LSM2: variants seen among roughly 807,000 people sequenced by gnomAD.
The protein encoded by LSM2 is U6 snRNA-associated Sm-like protein LSm2.
LSM2 carries 12 observed loss-of-function variants against 17.0 expected under a neutral mutation model. The ratio of observed to expected loss-of-function variants is 0.70; its 90% CI spans 0.45 to 1.14. LSM2 has a LOEUF of 1.14. Ranked by LOEUF, LSM2 falls within the 50% of genes most tolerant of loss-of-function variation. The pLI, the probability that LSM2 is intolerant of heterozygous loss-of-function variation, is 0.00. For missense variants in LSM2, 62 were observed against 111.8 expected, an observed-to-expected ratio of 0.55 and a Z score of 2.01; for synonymous variants, 42 against 44.5, an observed-to-expected ratio of 0.94 and a Z score of 0.22.
intron 2 of LSM2, among the ~76,000 whole-genome samples, chr6:31,800,017 C>T (rs566690521): frequency 6.6e-6 from 1 of 152,276 alleles, no homozygotes; most frequent in East Asian, 1.9e-4. Context: ...ATAGCAAGAC[C>T]TCATCTCTAT....
intron 3 of LSM2, 39 bp downstream of exon 3, chr6:31,798,435 CCTT>C (rs1331789540): frequency 3.1e-6 from 5 of 1,611,618 alleles, no homozygotes; most frequent in African/African-American, 2.7e-5. Context: ...TCTCCCCTCT[CCTT>C]CTCCAGGAAC....
In LSM2 at chr6:31,806,822, G is replaced by C; in HGVS notation, c.-65C>G. 6.5e-7 allele frequency: 1 copy of C among 1,545,652 alleles called. No homozygotes were observed. On this transcript the variant is annotated 5_prime_UTR_variant, in exon 1 of 5. Transcript: ENST00000375661. ...AGCAGGGTGCTGCGAGCAGGTCTGG[G>C]GAAACCGAAGCGCGAGCCCGCGCGT...
At chr6:31,804,763 CTTTTTTT>C (rs9279424) in intron 2 of LSM2, among the ~76,000 whole-genome samples, 2,796 of 104,854 alleles carry the variant, frequency 0.027, 49 homozygotes, top group South Asian at 0.14. Flanking sequence ...TCTTTTTTTT[CTTTTTTT>C]TTTTTTTTTT....
intron 4 of LSM2, 33 bp downstream of exon 4, chr6:31,797,957 G>T (rs747262330): frequency 1.9e-6 from 3 of 1,610,426 alleles, no homozygotes; most frequent in African/African-American, 2.7e-5. Flanking sequence ...CTGCTTTAGA[G>T]GTGTTTCCTC....
At chr6:31,806,340 C>T in intron 1 of LSM2, 198 bp from the exon 2 acceptor site, 1 of 614,136 alleles carries the variant, frequency 1.6e-6, no homozygotes, top group South Asian at 2.0e-5. Context: ...GCACTGAGCC[C>T]ATCACTTAAA....
chr6:31,799,449 C>T (rs986695997), intron 2 of LSM2, among the ~76,000 whole-genome samples: 1 of 152,130 alleles, frequency 6.6e-6, no homozygotes, highest in South Asian at 2.1e-4. Context: ...CTCCATCTCC[C>T]AGGTTCACGC....
At position 31,806,117 on chromosome 6, in the gene LSM2, AG is replaced by A. The variant is rs1209207942; in HGVS notation, c.28del (p.Val11TrpfsTer9). The A allele has an allele frequency of 1.2e-6, 2 of 1,612,928 alleles. No individual in the cohort carries two copies. The highest frequency in any genetic ancestry group is 2.2e-5 in the South Asian group (2 of 91,078). On this transcript the variant is annotated frameshift_variant, in exon 2 of 5. Transcript: ENST00000375661. LOFTEE classifies it high-confidence loss of function. ...TTCCACGACCACATCCTTGCCCACA[AG>A]GGACTTGAAAAAAGAATAGAAGAGC... MLFYSFFKS[L>X]VGKDVVVELK... is the part of the protein sequence containing the mutation.
At chr6:31,802,036 C>T (rs963738121) in intron 2 of LSM2, among the ~76,000 whole-genome samples, 4 of 151,928 alleles carry the variant, frequency 2.6e-5, no homozygotes, top group Non-Finnish European at 5.9e-5. Context: ...AATCCCAGCA[C>T]TTTGGGAGGC....
intron 3 of LSM2, 29 bp from the exon 4 acceptor site, chr6:31,798,078 A>ATT: frequency 1.3e-6 from 2 of 1,497,522 alleles, no homozygotes; most frequent in Middle Eastern, 2.0e-4. Context: ...CACCATTATT[A>ATT]TTATTATTTT....
At position 31,797,732 on chromosome 6, in the gene LSM2, G is replaced by A; in HGVS notation, c.*25C>T. On this transcript the variant is annotated 3_prime_UTR_variant, in exon 5 of 5. Coordinates refer to ENST00000375661, the MANE Select transcript of LSM2 (RefSeq NM_021177.5). ...GGGGTTATGGGTCACCAATGAAAGA[G>A]GGAGGGGAAGAGGAGGAGGAGCCAT... 6.2e-7 allele frequency: 1 copy of A among 1,612,088 alleles called. No individual in the cohort carries two copies. Among genetic ancestry groups the A allele is most frequent in the African/African-American group, 1.3e-5 (1 of 75,022 alleles).
Position 31,797,884 on chromosome 6 carries a change from T to A in LSM2, c.163-2A>T. 6.2e-7 allele frequency: 1 copy of A among 1,612,998 alleles called. No homozygotes were observed. The highest frequency in any genetic ancestry group is 8.5e-7 in the Non-Finnish European group (1 of 1,180,028). ...AATGAAGCAGTTCTTCACTGATAAC[T>A]AGACAAAGATGGACAAATATGAAAA... On this transcript the variant is annotated splice_acceptor_variant, in intron 4 of 4. Transcript: ENST00000375661. LOFTEE classifies it high-confidence loss of function.
intron 2 of LSM2, 137 bp from the exon 3 acceptor site, chr6:31,798,644 G>T (rs994443103): frequency 2.8e-5 from 25 of 886,136 alleles, no homozygotes; most frequent in Non-Finnish European, 4.2e-5. Context: ...GAACCAAAAG[G>T]GGGCATTCCT....
rs200102484 is a variant in LSM2, at chr6:31,806,782, C to T, written c.-25G>A. The stretch of plus-strand genomic sequence containing the variant: ...TGGTGCTGGCGCCGCGGGCAGCGGG[C>T]CGGACCGGGAAGACAGCAGGGTGCT... On this transcript the variant is annotated 5_prime_UTR_variant, in exon 1 of 5. Transcript: ENST00000375661. 1.0e-5 allele frequency: 16 copies of T among 1,608,026 alleles called. No individual in the cohort carries two copies. The highest frequency in any genetic ancestry group is 4.0e-5 in the African/African-American group (3 of 74,932).
At chr6:31,805,995 T>C in intron 2 of LSM2, 80 bp downstream of exon 2, 1 of 1,305,754 alleles carries the variant, frequency 7.7e-7, no homozygotes, top group Non-Finnish European at 1.1e-6. Context: ...CGCCTAGCCC[T>C]GAAATATTTC....
chr6:31,798,600 A>G (rs1814524950), intron 2 of LSM2, 93 bp from the exon 3 acceptor site: 10 of 1,436,456 alleles, frequency 7.0e-6, no homozygotes, highest in Admixed American at 1.9e-5. Context: ...CATGACTGGG[A>G]GAAGTCAAGG....
At chr6:31,804,475 G>A (rs780704812) in intron 2 of LSM2, among the ~76,000 whole-genome samples, 4 of 152,046 alleles carry the variant, frequency 2.6e-5, no homozygotes, top group Non-Finnish European at 5.9e-5. Flanking sequence ...CAGTTTCCTC[G>A]TGTAAAACAG....
intron 2 of LSM2, among the ~76,000 whole-genome samples, chr6:31,803,197 G>A (rs1814818701): frequency 6.6e-6 from 1 of 152,146 alleles, no homozygotes; most frequent in Non-Finnish European, 1.5e-5. Context: ...TCCCTGCCCT[G>A]TCAACGTGTA....
At chr6:31,806,217 C>G (rs1815026821) in intron 1 of LSM2, 75 bp from the exon 2 acceptor site, 1 of 1,311,232 alleles carries the variant, frequency 7.6e-7, no homozygotes, top group Non-Finnish European at 1.1e-6. Context: ...ACAGTATTAC[C>G]AAATACTGGT....
chr6:31,804,763 CTTTTTTTTTTT>C (rs9279424), intron 2 of LSM2, among the ~76,000 whole-genome samples: 1 of 104,908 alleles, frequency 9.5e-6, no homozygotes, highest in Non-Finnish European at 2.0e-5. Flanking sequence ...TCTTTTTTTT[CTTTTTTTTTTT>C]TTTTTTTTTT....
Sources: allele counts gnomAD v4.1 joint callset (sites outside exome capture counted in the v4.1 genomes callset), GRCh38; gene constraint gnomAD v4.1.1; transcripts MANE v1.5; gene names NCBI Gene and HGNC (gene_info 2026-07-23, HGNC 2026-07-21).